FBXO36: variants seen among roughly 807,000 people sequenced by gnomAD.
The protein encoded by FBXO36 is F-box only protein 36.
FBXO36 carries 18 observed loss-of-function variants against 17.0 expected under a neutral mutation model. That is an observed-to-expected ratio of 1.06 (90% CI 0.73 to 1.57). The LOEUF is 1.57. Ranked by LOEUF, FBXO36 falls within the 40% of genes most tolerant of loss-of-function variation. The probability of loss-of-function intolerance (pLI) is 0.00; values close to 1 mark genes in which losing one functional copy is unlikely to be tolerated. For missense variants in FBXO36, 229 were observed against 221.9 expected (o/e 1.03, Z -0.20); for synonymous variants, 83 against 85.3 (o/e 0.97, Z 0.15).
intron 3 of FBXO36, among the ~76,000 whole-genome samples, chr2:230,008,750 T>C (rs1456496054): frequency 6.6e-6 from 1 of 152,210 alleles, no homozygotes; most frequent in Non-Finnish European, 1.5e-5. Context: ...ATGATCTGTT[T>C]TTCATATTAA....
chr2:229,925,107 A>ATTAT (rs563557892), intron 1 of FBXO36, among the ~76,000 whole-genome samples: 1 of 150,944 alleles, frequency 6.6e-6, no homozygotes, highest in Non-Finnish European at 1.5e-5. Context: ...CTTTATTTTT[A>ATTAT]TTATTTATTT....
intron 1 of FBXO36, among the ~76,000 whole-genome samples, chr2:229,971,268 T>C (rs1217520233): frequency 6.6e-6 from 1 of 151,642 alleles, no homozygotes; most frequent in Admixed American, 6.6e-5. Context: ...GGCAAGAGAA[T>C]TGCTTGAACC....
intron 3 of FBXO36, among the ~76,000 whole-genome samples, chr2:229,997,592 A>G (rs541542539): frequency 4.7e-4 from 72 of 151,646 alleles, no homozygotes; most frequent in South Asian, 2.9e-3. Context: ...AAAAAAAAAA[A>G]AGAGAGAGAG....
At chr2:229,969,229 T>C (rs1377298138) in intron 1 of FBXO36, among the ~76,000 whole-genome samples, 3 of 151,814 alleles carry the variant, frequency 2.0e-5, no homozygotes, top group African/African-American at 7.3e-5. Context: ...TTTTTTTTCT[T>C]TTTTGAGACA....
intron 1 of FBXO36, among the ~76,000 whole-genome samples, chr2:229,949,912 G>A (rs754065827): frequency 6.6e-6 from 1 of 152,082 alleles, no homozygotes; most frequent in Non-Finnish European, 1.5e-5. Context: ...GTGACAGAGC[G>A]AGACTCCGTC....
At chr2:229,988,828 G>GTTTTTTTTTTTTTTTTTTTTT (rs11321192) in intron 2 of FBXO36, among the ~76,000 whole-genome samples, 3 of 129,364 alleles carry the variant, frequency 2.3e-5, no homozygotes, top group Non-Finnish European at 4.9e-5. Context: ...ATGCTGGCCT[G>GTTTTTTTTTTTTTTTTTTTTT]TTTTTTTTTT....
intron 1 of FBXO36, among the ~76,000 whole-genome samples, chr2:229,970,836 T>C (rs1325033898): frequency 2.0e-5 from 3 of 152,190 alleles, no homozygotes; most frequent in African/African-American, 7.2e-5. Context: ...ATAAAATGAG[T>C]TAATTAGTAT....
At chr2:229,929,522 G>A (rs922943728) in intron 1 of FBXO36, among the ~76,000 whole-genome samples, 4 of 148,392 alleles carry the variant, frequency 2.7e-5, no homozygotes, top group Non-Finnish European at 4.5e-5. Flanking sequence ...GCTGAGATCA[G>A]GACACTGCAC....
chr2:229,924,113 G>C (rs1328869501), intron 1 of FBXO36, among the ~76,000 whole-genome samples: 3 of 147,932 alleles, frequency 2.0e-5, no homozygotes, highest in African/African-American at 7.5e-5. Flanking sequence ...TTTATCGAGA[G>C]GGAGTCTCCC....
intron 3 of FBXO36, among the ~76,000 whole-genome samples, chr2:230,008,476 T>C (rs1207834852): frequency 6.6e-6 from 1 of 152,168 alleles, no homozygotes; most frequent in African/African-American, 2.4e-5. Context: ...TTGGGAGTCA[T>C]AGATGGGGGT....
At chr2:229,968,028 G>C (rs893157173) in intron 1 of FBXO36, among the ~76,000 whole-genome samples, 1 of 152,024 alleles carries the variant, frequency 6.6e-6, no homozygotes, top group African/African-American at 2.4e-5. Context: ...TGGTTGGTAA[G>C]CTATTAAGTA....
chr2:229,952,660 G>A (rs1225495214), intron 1 of FBXO36, among the ~76,000 whole-genome samples: 2 of 152,126 alleles, frequency 1.3e-5, no homozygotes, highest in Non-Finnish European at 2.9e-5. Flanking sequence ...AGGAGGTAGT[G>A]GCTGGACAGG....
intron 1 of FBXO36, among the ~76,000 whole-genome samples, chr2:229,943,674 A>G (rs2077011855): frequency 6.6e-6 from 1 of 152,162 alleles, no homozygotes; most frequent in South Asian, 2.1e-4. Flanking sequence ...TGCTGTGACC[A>G]TGTGTGTGTT....
intron 2 of FBXO36, among the ~76,000 whole-genome samples, chr2:229,981,602 TGAG>T (rs2077240164): frequency 1.3e-5 from 2 of 149,928 alleles, no homozygotes; most frequent in African/African-American, 4.9e-5. Flanking sequence ...CTCAGGAGGC[TGAG>T]GTGGAAGGAT....
Position 230,010,880 on chromosome 2 carries a change from C to G in FBXO36, c.563C>G (p.Pro188Arg). The G allele has an allele frequency of 6.2e-7, 1 of 1,606,798 alleles. No individual in the cohort carries two copies. Among genetic ancestry groups the G allele is most frequent in the Non-Finnish European group, 8.5e-7 (1 of 1,175,448 alleles). ...TATGGAAACCTGAGAGAAAAGCAACCTTAGGCACACATTTTCCTACCAGCA... is the reference window on the plus strand; with the variant it reads ...TATGGAAACCTGAGAGAAAAGCAACGTTAGGCACACATTTTCCTACCAGCA... ...QKYGNLREKQ[P>R] The change falls in exon 4 of 4, where the codon CCT becomes CGT. Residue 188 changes from proline to arginine, a missense_variant. Physicochemically the swap from Pro to Arg is moderately radical, Grantham distance 103 (BLOSUM62 -2). Transcript: ENST00000283946.
At chr2:229,988,135 A>T (rs561172406) in intron 2 of FBXO36, among the ~76,000 whole-genome samples, 1 of 152,162 alleles carries the variant, frequency 6.6e-6, no homozygotes, top group African/African-American at 2.4e-5. Context: ...GTAGTTGGAG[A>T]TTTCTTAGTT....
At chr2:229,958,153 C>T (rs1431736557) in intron 1 of FBXO36, among the ~76,000 whole-genome samples, 1 of 149,714 alleles carries the variant, frequency 6.7e-6, no homozygotes, top group Admixed American at 6.7e-5. Context: ...TAACATTGTA[C>T]TAATGCAAAT....
intron 1 of FBXO36, among the ~76,000 whole-genome samples, chr2:229,954,590 C>G (rs1273199213): frequency 7.0e-6 from 1 of 142,696 alleles, no homozygotes; most frequent in Non-Finnish European, 1.5e-5. Context: ...CTCTGTCACC[C>G]AGGCTGGAGT....
In FBXO36 at chr2:229,922,681, T is replaced by C; in HGVS notation, c.96+72T>C. On this transcript the variant is annotated intron_variant, in intron 1 of 3. Transcript: ENST00000283946. ...CCCGGTTGGGGCCCGGGACGCAGGC[T>C]GTGCTAGGCCAAGAGCAACCGTAGC... 2.6e-6 allele frequency: 4 copies of C among 1,515,216 alleles called. No individual in the cohort carries two copies. The South Asian group carries it at 4.6e-5, about 18-fold the overall frequency. 93.9% of individuals were successfully genotyped at this position (1,515,216 alleles called of 1,614,324 possible). A position where few individuals can be genotyped will look rare whatever the true frequency, so the allele number is the denominator to read the frequency against.
Sources: allele counts gnomAD v4.1 joint callset (sites outside exome capture counted in the v4.1 genomes callset), GRCh38; gene constraint gnomAD v4.1.1; transcripts MANE v1.5; gene names NCBI Gene and HGNC (gene_info 2026-07-23, HGNC 2026-07-21).